DDX4: variants seen among roughly 807,000 people sequenced by gnomAD.
DDX4 encodes probable ATP-dependent RNA helicase DDX4.
A neutral mutation model predicts 100.0 loss-of-function variants in DDX4; 25 were observed. That is an observed-to-expected ratio of 0.25 (90% CI 0.18 to 0.35). The LOEUF is 0.35. Among genes scored for constraint, DDX4 ranks in the 10% least tolerant of loss-of-function variants. The pLI, the probability that DDX4 is intolerant of heterozygous loss-of-function variation, is 1.00. For synonymous variants in DDX4, 259 were observed against 275.7 expected (o/e 0.94, Z 0.60); for missense variants, 635 against 882.4 (o/e 0.72, Z 3.55).
At chr5:55,778,543 G>T (rs1488804155) in intron 7 of DDX4, among the ~76,000 whole-genome samples, 1 of 152,142 alleles carries the variant, frequency 6.6e-6, no homozygotes, top group Non-Finnish European at 1.5e-5. Flanking sequence ...ACAATAGAGT[G>T]TTCAGCAGTA....
At chr5:55,759,420 T>G (rs546622175) in intron 3 of DDX4, among the ~76,000 whole-genome samples, 1 of 152,302 alleles carries the variant, frequency 6.6e-6, no homozygotes, top group East Asian at 1.9e-4. Context: ...TTAAACAATT[T>G]TTTTCATATT....
intron 17 of DDX4, among the ~76,000 whole-genome samples, chr5:55,797,594 A>C (rs147072729): frequency 1.1e-3 from 162 of 152,354 alleles, no homozygotes; most frequent in African/African-American, 3.7e-3. Flanking sequence ...AGCTGTTTTC[A>C]TGAAGGACTC....
chr5:55,742,912 G>A (rs1759058118), intron 2 of DDX4, among the ~76,000 whole-genome samples: 1 of 152,096 alleles, frequency 6.6e-6, no homozygotes, highest in African/African-American at 2.4e-5. Context: ...GTTGGAGAGG[G>A]AAGGCTTCTC....
intron 18 of DDX4, among the ~76,000 whole-genome samples, chr5:55,803,874 T>C (rs1288628074): frequency 9.2e-5 from 14 of 152,168 alleles, no homozygotes; most frequent in South Asian, 2.1e-4. Context: ...ATGGTATTTC[T>C]AGTTCTAGAT....
chr5:55,804,021 G>C (rs1245987629), intron 18 of DDX4, among the ~76,000 whole-genome samples: 1 of 150,814 alleles, frequency 6.6e-6, no homozygotes, highest in South Asian at 2.1e-4. Context: ...ATTCTAACTG[G>C]TGTGAGATGG....
intron 10 of DDX4, among the ~76,000 whole-genome samples, chr5:55,783,686 G>A (rs1561500797): frequency 8.0e-6 from 1 of 124,978 alleles, no homozygotes; most frequent in Non-Finnish European, 1.7e-5. Context: ...TGAATGGATG[G>A]ATGAATGGAT....
intron 1 of DDX4, 122 bp from the exon 2 acceptor site, chr5:55,738,828 T>G: frequency 1.5e-6 from 1 of 675,862 alleles, no homozygotes; most frequent in South Asian, 1.7e-5. Context: ...AAAAAACTTT[T>G]GGGGTATCAG....
chr5:55,793,718 G>A (rs1050462901), intron 17 of DDX4, among the ~76,000 whole-genome samples: 5 of 152,164 alleles, frequency 3.3e-5, no homozygotes, highest in African/African-American at 1.2e-4. Context: ...ACCATATATG[G>A]ATATTTGATT....
At chr5:55,783,838 G>GTTTT (rs147016073) in intron 10 of DDX4, among the ~76,000 whole-genome samples, 2 of 144,028 alleles carry the variant, frequency 1.4e-5, no homozygotes, top group African/African-American at 2.5e-5. Flanking sequence ...AACCAGTAAA[G>GTTTT]TTTTTTTTTT....
chr5:55,768,399 T>C (rs780657973), intron 7 of DDX4, among the ~76,000 whole-genome samples: 1 of 152,218 alleles, frequency 6.6e-6, no homozygotes, highest in Non-Finnish European at 1.5e-5. Flanking sequence ...TTTCTGTTCC[T>C]GCATTAGTTT....
At position 55,813,669 on chromosome 5, in the gene DDX4, G is replaced by T. The variant is rs765015071; in HGVS notation, c.1616-4G>T. 6.3e-6 allele frequency: 10 copies of T among 1,574,900 alleles called. No individual in the cohort carries two copies. The East Asian group carries it at 1.8e-4, about 29-fold the overall frequency. On this transcript the variant is annotated splice_region_variant and splice_polypyrimidine_tract_variant and intron_variant, in intron 18 of 21. Coordinates refer to ENST00000505374, the MANE Select transcript of DDX4 (RefSeq NM_024415.3). ...TGAATATTAATAATTTCATTGTCTT[G>T]TAGGGGATGAAAGAACTATGGTCTT...
chr5:55,765,409 A>ATATATATAT (rs1416478232), intron 6 of DDX4, among the ~76,000 whole-genome samples: 1,534 of 103,198 alleles, frequency 0.015, 8 homozygotes, highest in East Asian at 0.025. Flanking sequence ...AAAAAAAAAA[A>ATATATATAT]AAAAATATAT....
At chr5:55,761,302 TAGG>T (rs1740529757) in intron 4 of DDX4, among the ~76,000 whole-genome samples, 1 of 152,154 alleles carries the variant, frequency 6.6e-6, no homozygotes, top group Admixed American at 6.5e-5. Context: ...ATATTACATT[TAGG>T]AGCATATTTA....
intron 7 of DDX4, among the ~76,000 whole-genome samples, chr5:55,771,717 T>A (rs1358257266): frequency 6.6e-6 from 1 of 152,198 alleles, no homozygotes; most frequent in Admixed American, 6.5e-5. Flanking sequence ...TTTCTCTCCT[T>A]TTAACCATTC....
intron 15 of DDX4, among the ~76,000 whole-genome samples, chr5:55,788,754 G>T (rs1742381745): frequency 6.6e-6 from 1 of 152,086 alleles, no homozygotes; most frequent in African/African-American, 2.4e-5. Flanking sequence ...AAATTGCAAT[G>T]TACATCTTGC....
intron 2 of DDX4, among the ~76,000 whole-genome samples, chr5:55,740,770 T>C (rs1758936945): frequency 6.6e-6 from 1 of 151,778 alleles, no homozygotes; most frequent in South Asian, 2.1e-4. Flanking sequence ...TCCTCCCACT[T>C]TGGCCTCCCA....
chr5:55,813,058 G>A (rs145075859), intron 18 of DDX4, among the ~76,000 whole-genome samples: 284 of 151,912 alleles, frequency 1.9e-3, no homozygotes, highest in African/African-American at 4.8e-3. Flanking sequence ...GAAAATCTCC[G>A]GCCCATGCTT....
At chr5:55,780,628 T>C (rs1263191500) in intron 8 of DDX4, among the ~76,000 whole-genome samples, 3 of 152,218 alleles carry the variant, frequency 2.0e-5, no homozygotes, top group Non-Finnish European at 2.9e-5. Context: ...AGGGTTACCA[T>C]GCAGGACTGG....
At position 55,785,509 on chromosome 5, in the gene DDX4, G is replaced by A. The variant is rs751186915; in HGVS notation, c.721+15G>A. On this transcript the variant is annotated intron_variant, in intron 12 of 21. Transcript: ENST00000505374. ...TGATACTCAAGGTATATTAACATTT[G>A]TGTGACTCACATAGAAGTATGTTGT... 1.9e-6 allele frequency: 3 copies of A among 1,562,702 alleles called. No individual in the cohort carries two copies. The highest frequency in any genetic ancestry group is 4.5e-5 in the East Asian group (2 of 44,542).
Sources: allele counts gnomAD v4.1 joint callset (sites outside exome capture counted in the v4.1 genomes callset), GRCh38; gene constraint gnomAD v4.1.1; transcripts MANE v1.5; gene names NCBI Gene and HGNC (gene_info 2026-07-23, HGNC 2026-07-21).